ERBB4: variants seen among roughly 807,000 people sequenced by gnomAD.
ERBB4 encodes erb-b2 receptor tyrosine kinase 4, also known as receptor tyrosine-protein kinase erbB-4.
In ERBB4, 42 loss-of-function variants were observed where a neutral mutation model predicts 158.0. The observed-to-expected ratio is 0.27, with a 90% CI of 0.21 to 0.34. The LOEUF (loss-of-function observed/expected upper bound fraction) is 0.34. Among genes scored for constraint, ERBB4 ranks in the 10% least tolerant of loss-of-function variants. The pLI is 1.00. For synonymous variants in ERBB4, 583 were observed against 558.7 expected (o/e 1.04, Z -0.61); for missense variants, 1,333 against 1,624.1 (o/e 0.82, Z 3.08).
chr2:211,513,607 G>A (rs910356968), intron 20 of ERBB4, among the ~76,000 whole-genome samples: 3 of 152,028 alleles, frequency 2.0e-5, no homozygotes, highest in Non-Finnish European at 4.4e-5. Context: ...TGGGGATAGG[G>A]AAGAGAATGA....
chr2:212,262,369 C>CAT (rs547041740), intron 1 of ERBB4, among the ~76,000 whole-genome samples: 13 of 152,046 alleles, frequency 8.6e-5, no homozygotes, highest in South Asian at 2.1e-4. Flanking sequence ...CCATTATCCA[C>CAT]ATATATATAT....
intron 1 of ERBB4, among the ~76,000 whole-genome samples, chr2:212,146,417 A>G (rs927929584): frequency 1.3e-5 from 2 of 152,220 alleles, no homozygotes; most frequent in African/African-American, 4.8e-5. Context: ...TAACTCTAGA[A>G]GCATATGGTG....
At chr2:211,523,485 C>T (rs376015159) in intron 20 of ERBB4, among the ~76,000 whole-genome samples, 3 of 151,432 alleles carry the variant, frequency 2.0e-5, no homozygotes, top group African/African-American at 4.9e-5. Flanking sequence ...TAAGGTGGCA[C>T]GTCTGGAGTT....
intron 20 of ERBB4, among the ~76,000 whole-genome samples, chr2:211,462,116 T>G (rs986880333): frequency 6.6e-6 from 1 of 152,032 alleles, no homozygotes; most frequent in Admixed American, 6.6e-5. Flanking sequence ...GGCATCTGCT[T>G]GGCTTCTCGG....
intron 20 of ERBB4, among the ~76,000 whole-genome samples, chr2:211,455,300 AG>A (rs1205034089): frequency 2.6e-5 from 4 of 152,224 alleles, no homozygotes; most frequent in African/African-American, 9.6e-5. Context: ...AGCTGATTTG[AG>A]AAGTTATTTC....
At chr2:211,623,711 T>C (rs941172883) in intron 18 of ERBB4, among the ~76,000 whole-genome samples, 1 of 152,144 alleles carries the variant, frequency 6.6e-6, no homozygotes, top group African/African-American at 2.4e-5. Context: ...TATCAGAGTT[T>C]CTTGCTTTTC....
chr2:211,888,888 G>C (rs989762328), intron 3 of ERBB4, among the ~76,000 whole-genome samples: 47 of 151,670 alleles, frequency 3.1e-4, no homozygotes, highest in Non-Finnish European at 5.2e-4. Context: ...CACCTGGCTC[G>C]GAGGGTCCTA....
intron 3 of ERBB4, among the ~76,000 whole-genome samples, chr2:211,935,057 A>G (rs913811526): frequency 1.3e-5 from 2 of 152,076 alleles, no homozygotes; most frequent in African/African-American, 4.8e-5. Flanking sequence ...TTCTTCTCAG[A>G]ATCCCTATAG....
chr2:212,026,458 T>C (rs1484731990), intron 2 of ERBB4, among the ~76,000 whole-genome samples: 1 of 151,848 alleles, frequency 6.6e-6, no homozygotes, highest in Admixed American at 6.6e-5. Context: ...AATAAGTGTA[T>C]GAACAAATTC....
intron 1 of ERBB4, among the ~76,000 whole-genome samples, chr2:212,452,416 T>C (rs1249658351): frequency 2.6e-5 from 4 of 152,204 alleles, no homozygotes; most frequent in Non-Finnish European, 4.4e-5. Context: ...TTTAAACTAC[T>C]ACACACACTC....
At chr2:212,171,144 G>T (rs1322202120) in intron 1 of ERBB4, among the ~76,000 whole-genome samples, 2 of 152,102 alleles carry the variant, frequency 1.3e-5, no homozygotes, top group East Asian at 3.9e-4. Context: ...GCATGACGTG[G>T]ATGTGAGACA....
chr2:212,130,060 C>A (rs2080064937), intron 1 of ERBB4, among the ~76,000 whole-genome samples: 2 of 152,046 alleles, frequency 1.3e-5, no homozygotes, highest in African/African-American at 4.8e-5. Context: ...GCAATGTATA[C>A]AAGACAACGC....
intron 25 of ERBB4, among the ~76,000 whole-genome samples, chr2:211,403,756 C>T (rs1441966415): frequency 3.9e-5 from 6 of 152,090 alleles, no homozygotes; most frequent in Admixed American, 6.6e-5. Flanking sequence ...CTGACTCAAT[C>T]GGTTCTTCTG....
intron 2 of ERBB4, among the ~76,000 whole-genome samples, chr2:211,958,906 C>T (rs1321251940): frequency 6.6e-6 from 1 of 151,284 alleles, no homozygotes; most frequent in African/African-American, 2.4e-5. Flanking sequence ...TCAAAATCAG[C>T]ATTCTCTTAG....
chr2:212,290,337 ACAG>A (rs2086159606), intron 1 of ERBB4, among the ~76,000 whole-genome samples: 1 of 152,154 alleles, frequency 6.6e-6, no homozygotes, highest in African/African-American at 2.4e-5. Flanking sequence ...ATGTATACAC[ACAG>A]TAGTACATAG....
At chr2:211,517,630 T>G (rs181820435) in intron 20 of ERBB4, among the ~76,000 whole-genome samples, 2 of 152,266 alleles carry the variant, frequency 1.3e-5, no homozygotes, top group African/African-American at 4.8e-5. Context: ...GAGCTCTGTC[T>G]CTGACATTTA....
rs879103900 is a variant in ERBB4, at chr2:211,562,019, T to C, written c.2371A>G (p.Thr791Ala). The change falls in exon 20 of 28, where the codon ACC (threonine) becomes GCC (alanine). Residue 791 changes from threonine (T) to alanine (A), a missense_variant. Thr to Ala is a moderately conservative substitution (Grantham distance 58). This residue lies in a region of ERBB4 where 314 missense variants were observed against 437.6 expected (regional missense o/e 0.72). Transcript: ENST00000342788. The stretch of plus-strand genomic sequence containing the variant: ...ATAAGTTGAGTAACCAGCTGGATGG[T>C]TGGGCTCAGACACACACCCAGCAAC... ...VRLLGVCLSP[T>A]IQLVTQLMPH... 24 of 1,614,034 alleles carry C rather than the reference T, an allele frequency of 1.5e-5. No homozygotes were observed. Among genetic ancestry groups the C allele is most frequent in the African/African-American group, 8.0e-5 (6 of 74,930 alleles).
intron 3 of ERBB4, among the ~76,000 whole-genome samples, chr2:211,893,096 C>T (rs11898146): frequency 0.089 from 12,847 of 144,952 alleles, 1,049 homozygotes; most frequent in African/African-American, 0.1. Context: ...GAGCCCGCAT[C>T]GCCAAGTCAA....
At position 211,947,471 on chromosome 2, in the gene ERBB4, C is replaced by T. The variant is rs2125137655; in HGVS notation, c.380G>A (p.Gly127Glu). ...TCCAAGTTCTTGAAGTCCAAAGTTT[C>T]CATCTTTTCTGTAGTTTAAAAATAT... ...LAIFLNYRKDGNFGLQELGLK... is the reference protein window; with the variant it reads ...LAIFLNYRKDENFGLQELGLK... Residue 127 changes from glycine (G) to glutamate (E), a missense_variant, in exon 3 of 28, where the codon GGA becomes GAA. This residue lies in a region of ERBB4 where 438 missense variants were observed against 586.9 expected (regional missense o/e 0.75). Coordinates refer to ENST00000342788, the MANE Select transcript of ERBB4 (RefSeq NM_005235.3). 6.2e-7 allele frequency: 1 copy of T among 1,613,876 alleles called. No individual in the cohort carries two copies. The highest frequency in any genetic ancestry group is 8.5e-7 in the Non-Finnish European group (1 of 1,179,910).
Sources: gnomAD v4.1 joint callset for allele counts (sites outside exome capture counted in the v4.1 genomes callset) on GRCh38, gnomAD v4.1.1 for gene constraint, gnomAD v4.1.1 regional missense constraint, MANE v1.5 for transcripts, NCBI Gene and HGNC (gene_info 2026-07-23, HGNC 2026-07-21) for gene names.